Variants in KAZN observed in about 807,000 individuals in gnomAD.
KAZN encodes the protein kazrin.
Under a neutral mutation model 87.4 loss-of-function variants are expected in KAZN, and 40 were observed. The ratio of observed to expected loss-of-function variants is 0.46; its 90% CI spans 0.36 to 0.60. The LOEUF is 0.60. Among genes scored for constraint, KAZN ranks in the 20% least tolerant of loss-of-function variants. The pLI, the probability that KAZN is intolerant of heterozygous loss-of-function variation, is 0.00. For synonymous variants in KAZN, 466 were observed against 458.3 expected, an observed-to-expected ratio of 1.02 and a Z score of -0.22; for missense variants, 898 against 1,073.9, an observed-to-expected ratio of 0.84 and a Z score of 2.29.
intron 2 of KAZN, among the ~76,000 whole-genome samples, chr1:14,991,296 A>G (rs1440141524): frequency 5.9e-5 from 9 of 151,998 alleles, no homozygotes. Context: ...CGGGGGTTGC[A>G]GTGAGCCTAG....
chr1:14,794,700 T>C (rs920933670), intron 1 of KAZN, among the ~76,000 whole-genome samples: 1 of 152,194 alleles, frequency 6.6e-6, no homozygotes, highest in Non-Finnish European at 1.5e-5. Flanking sequence ...CTTCACAGGC[T>C]GTATGGGTGT....
chr1:14,013,923 C>G (rs2101206708), intron 1 of KAZN, among the ~76,000 whole-genome samples: 1 of 152,240 alleles, frequency 6.6e-6, no homozygotes, highest in Admixed American at 6.5e-5. Flanking sequence ...TGGGATTGGT[C>G]CAGTGAAATC....
intron 1 of KAZN, among the ~76,000 whole-genome samples, chr1:14,616,633 C>G (rs1174353924): frequency 6.6e-6 from 1 of 152,160 alleles, no homozygotes; most frequent in Non-Finnish European, 1.5e-5. Flanking sequence ...GATATTTCAG[C>G]CCATCACCTA....
At chr1:15,016,043 G>A (rs1176624464) in intron 2 of KAZN, among the ~76,000 whole-genome samples, 1 of 152,162 alleles carries the variant, frequency 6.6e-6, no homozygotes, top group Non-Finnish European at 1.5e-5. Context: ...TTGGCCGATG[G>A]TGTTAAGGTG....
At chr1:15,092,610 C>T (rs899648485) in intron 8 of KAZN, among the ~76,000 whole-genome samples, 1 of 151,858 alleles carries the variant, frequency 6.6e-6, no homozygotes, top group Non-Finnish European at 1.5e-5. Flanking sequence ...CAGCTGGGAC[C>T]CCAGGCACAC....
At chr1:14,467,245 G>A (rs1668208366) in intron 2 of KAZN, among the ~76,000 whole-genome samples, 1 of 151,736 alleles carries the variant, frequency 6.6e-6, no homozygotes, top group African/African-American at 2.4e-5. Flanking sequence ...AATTAATTTA[G>A]CATTAATTTG....
chr1:13,894,619 G>A (rs1055038852), intron 1 of KAZN, among the ~76,000 whole-genome samples: 2 of 152,180 alleles, frequency 1.3e-5, no homozygotes, highest in Non-Finnish European at 2.9e-5. Flanking sequence ...GATTTTGACC[G>A]TGAGTCTCAG....
chr1:14,818,280 G>A (rs1646632476), intron 1 of KAZN, among the ~76,000 whole-genome samples: 1 of 152,220 alleles, frequency 6.6e-6, no homozygotes, highest in East Asian at 1.9e-4. Flanking sequence ...CATGTGTATT[G>A]CGAGTGTATA....
chr1:14,047,087 A>G (rs1008172523), intron 1 of KAZN, among the ~76,000 whole-genome samples: 1 of 151,900 alleles, frequency 6.6e-6, no homozygotes, highest in African/African-American at 2.4e-5. Context: ...CCTTCCATCC[A>G]CCTGTCATCC....
intron 1 of KAZN, among the ~76,000 whole-genome samples, chr1:14,178,605 A>AT (rs1646133473): frequency 6.6e-6 from 1 of 152,162 alleles, no homozygotes; most frequent in African/African-American, 2.4e-5. Flanking sequence ...AGCAAAGCAT[A>AT]TTTTTAGTAG....
intron 1 of KAZN, among the ~76,000 whole-genome samples, chr1:14,072,765 A>G (rs996084310): frequency 1.3e-5 from 2 of 152,046 alleles, no homozygotes; most frequent in African/African-American, 4.8e-5. Flanking sequence ...CTCTCCTGTA[A>G]ACTGGAACAA....
chr1:14,673,596 C>T (rs772828342), intron 1 of KAZN, among the ~76,000 whole-genome samples: 2 of 152,180 alleles, frequency 1.3e-5, no homozygotes, highest in Middle Eastern at 3.4e-3. Context: ...AGAAGGAAGA[C>T]GTGTTGTTGG....
chr1:14,104,059 C>T (rs777758592), intron 1 of KAZN, among the ~76,000 whole-genome samples: 1 of 152,172 alleles, frequency 6.6e-6, no homozygotes, highest in Non-Finnish European at 1.5e-5. Flanking sequence ...AGCGAAGACA[C>T]TGCAACATTA....
intron 2 of KAZN, among the ~76,000 whole-genome samples, chr1:14,445,323 G>A (rs978190461): frequency 2.0e-5 from 3 of 152,272 alleles, no homozygotes; most frequent in Admixed American, 6.5e-5. Context: ...ACTGCACCCG[G>A]CCAACTGGTG....
At chr1:14,973,432 G>T (rs552002862) in intron 2 of KAZN, among the ~76,000 whole-genome samples, 31 of 152,308 alleles carry the variant, frequency 2.0e-4, no homozygotes, top group Middle Eastern at 3.4e-3. Flanking sequence ...GAACAAAGGG[G>T]CACGAGAGCC....
Position 15,094,109 on chromosome 1 carries a change from G to C in KAZN, c.1223-71G>C. 7.1e-7 allele frequency: 1 copy of C among 1,411,722 alleles called. No homozygotes were observed. Among genetic ancestry groups the C allele is most frequent in the East Asian group, 2.3e-5 (1 of 42,792 alleles). 87.4% of individuals were successfully genotyped at this position (1,411,722 alleles called of 1,614,324 possible). On this transcript the variant is annotated intron_variant, in intron 8 of 14. Transcript: ENST00000376030. The surrounding 1 kb of genome is among the most constrained non-coding windows in gnomAD (Gnocchi z 4.5). ...GTCCCCACCACCCTCTGCCTCCCGG[G>C]GGTATGGCCTGCCCAGCCCCTGCCC...
At chr1:15,071,943 C>T (rs1639524792) in intron 8 of KAZN, among the ~76,000 whole-genome samples, 1 of 152,136 alleles carries the variant, frequency 6.6e-6, no homozygotes. Flanking sequence ...TACAAGAGAA[C>T]CTATAAAATT....
In KAZN at chr1:15,021,330, T is replaced by G. The variant is rs574414628; in HGVS notation, c.419-13419T>G. 6.6e-6 allele frequency among the ~76,000 whole-genome samples: 1 copy of G among 152,304 alleles called. No individual in the cohort carries two copies. The highest frequency in any genetic ancestry group is 2.4e-5 in the African/African-American group (1 of 41,576). ...ATGGGGCCTGAGGCTGATATTGCAT[T>G]TCCAGAAATCTCCATTTCCCCCTCC... is the stretch of plus-strand genomic sequence containing the variant. On this transcript the variant is annotated intron_variant, in intron 2 of 14. Transcript: ENST00000376030. This position sits in a 1 kb window ranked among gnomAD's most constrained non-coding sequence, Gnocchi z 4.2.
chr1:14,638,091 T>C (rs1680131166), intron 1 of KAZN, among the ~76,000 whole-genome samples: 1 of 152,136 alleles, frequency 6.6e-6, no homozygotes, highest in African/African-American at 2.4e-5. Context: ...GTGTGTCCTC[T>C]CCTCTTCTCA....
Sources: gnomAD v4.1 joint callset for allele counts (sites outside exome capture counted in the v4.1 genomes callset) on GRCh38, gnomAD v4.1.1 for gene constraint, Gnocchi (gnomAD v3.1) non-coding constraint, MANE v1.5 for transcripts, NCBI Gene and HGNC (gene_info 2026-07-23, HGNC 2026-07-21) for gene names.